The following CEP290 variants were observed in gnomAD, a reference collection of about 807,000 sequenced individuals.
CEP290 encodes centrosomal protein of 290 kDa.
CEP290 carries 317 observed loss-of-function variants against 344.9 expected under a neutral mutation model. The observed-to-expected ratio is 0.92, with a 90% CI of 0.84 to 1.01. The LOEUF is 1.01. Among genes scored for constraint, CEP290 ranks in the 50% least tolerant of loss-of-function variants. CEP290 has a pLI of 0.00. For synonymous variants in CEP290, 932 were observed against 895.8 expected, an observed-to-expected ratio of 1.04 and a Z score of -0.72; for missense variants, 2,754 against 2,761.4, an observed-to-expected ratio of 1.00 and a Z score of 0.06.
intron 6 of CEP290, among the ~76,000 whole-genome samples, chr12:88,133,069 C>G (rs376913260): frequency 6.7e-6 from 1 of 148,754 alleles, no homozygotes; most frequent in Admixed American, 6.7e-5. Context: ...TGATCTTGTT[C>G]CGGTTTTTTT....
intron 34 of CEP290, 37 bp downstream of exon 34, chr12:88,086,002 A>G: frequency 6.4e-7 from 1 of 1,573,556 alleles, no homozygotes; most frequent in Non-Finnish European, 8.6e-7. Context: ...AACATACCAA[A>G]TAATACACTA....
In CEP290 at chr12:88,136,630, A is replaced by G; in HGVS notation, c.441+13T>C. ...TGAACAGTGAAGATTCATGGAAAAA[A>G]AAAGTGCTTTACTTGCTCATTAACT... On this transcript the variant is annotated intron_variant, in intron 6 of 53. Transcript: ENST00000552810. The G allele has an allele frequency of 6.2e-7, 1 of 1,613,030 alleles. No homozygotes were observed. The highest frequency in any genetic ancestry group is 8.5e-7 in the Non-Finnish European group (1 of 1,179,320).
intron 52 of CEP290, among the ~76,000 whole-genome samples, chr12:88,051,481 G>C (rs1431456957): frequency 6.6e-6 from 1 of 152,086 alleles, no homozygotes; most frequent in Non-Finnish European, 1.5e-5. Flanking sequence ...TTACAGGTGT[G>C]GTGTGCTACT....
In CEP290 at chr12:88,083,953, T is replaced by C; in HGVS notation, c.4706A>G (p.Glu1569Gly). Residue 1569 changes from glutamate to glycine, a missense_variant and splice_region_variant, in exon 36 of 54, where the codon GAG becomes GGG. By Grantham distance (98) the Glu-to-Gly change is moderately conservative. Transcript: ENST00000552810. ...YQRLLEKAREEQREIVKKHEE... is the reference protein window; with the variant it reads ...YQRLLEKAREGQREIVKKHEE... ...ATGTTTCTTCACAATTTCTCTTTGC[T>C]CCTGTTTTACAGAAAATCGAAACTA... is the stretch of plus-strand genomic sequence containing the variant. The C allele has an allele frequency of 6.3e-7, 1 of 1,575,760 alleles. No individual in the cohort carries two copies. The highest frequency in any genetic ancestry group is 8.7e-7 in the Non-Finnish European group (1 of 1,155,634).
chr12:88,072,591 G>A (rs1293401236), intron 41 of CEP290, among the ~76,000 whole-genome samples: 1 of 152,150 alleles, frequency 6.6e-6, no homozygotes, highest in African/African-American at 2.4e-5. Flanking sequence ...CATGACTAGA[G>A]TAAGCTTCTA....
intron 41 of CEP290, among the ~76,000 whole-genome samples, chr12:88,074,074 A>C (rs1935189786): frequency 6.6e-6 from 1 of 152,008 alleles, no homozygotes; most frequent in Admixed American, 6.6e-5. Flanking sequence ...AAAATTCAAA[A>C]ATTAGCCAGT....
chr12:88,121,376 G>A (rs1056772245), intron 13 of CEP290, among the ~76,000 whole-genome samples: 1 of 152,102 alleles, frequency 6.6e-6, no homozygotes, highest in African/African-American at 2.4e-5. Context: ...CTTAGCTGAA[G>A]GGGTATGGAT....
chr12:88,085,335 A>C (rs1056298682), intron 34 of CEP290, among the ~76,000 whole-genome samples: 1 of 152,104 alleles, frequency 6.6e-6, no homozygotes, highest in African/African-American at 2.4e-5. Flanking sequence ...AAACAGAAAA[A>C]TTTTTACTCT....
rs79549870 is a variant in CEP290, at chr12:88,108,840, C to T, written c.2483+226G>A. Among the ~76,000 whole-genome samples, 5,982 of 151,982 alleles carry T rather than the reference C, an allele frequency of 0.039. 369 individuals carry two copies. Among genetic ancestry groups the T allele is most frequent in the African/African-American group, 0.14 (5,606 of 41,442 alleles). On this transcript the variant is annotated intron_variant, in intron 23 of 53. Transcript: ENST00000552810. ...TGCTCAAGCTCTTACAAAAAGCAAA[C>T]GTTAAATGACTCAAACCCAGGCAGG...
At chr12:88,116,059 AT>A in intron 18 of CEP290, 1 of 985,346 alleles carries the variant, frequency 1.0e-6, no homozygotes, top group Non-Finnish European at 1.2e-6. Flanking sequence ...AATATTGCAG[AT>A]TTTTGCCTAA....
At chr12:88,139,316 A>G (rs1249893018) in intron 4 of CEP290, 125 bp from the exon 5 acceptor site, 6 of 533,712 alleles carry the variant, frequency 1.1e-5, no homozygotes, top group Non-Finnish European at 1.9e-5. Context: ...AAGGTAACAA[A>G]AAGTATTATA....
At chr12:88,067,177 T>G (rs2035000417) in intron 44 of CEP290, among the ~76,000 whole-genome samples, 1 of 151,888 alleles carries the variant, frequency 6.6e-6, no homozygotes, top group African/African-American at 2.4e-5. Context: ...TTTTTGCTAT[T>G]CATTTATCTA....
Position 88,068,637 on chromosome 12 carries a change from T to G in CEP290, c.6020A>C (p.Gln2007Pro). 1 of 1,596,396 alleles carries G rather than the reference T, an allele frequency of 6.3e-7. No individual in the cohort carries two copies. The highest frequency in any genetic ancestry group is 8.5e-7 in the Non-Finnish European group (1 of 1,174,268). Reference protein sequence around the residue: ...ENDILYMRAHQALPRDSVVED... With the variant: ...ENDILYMRAHPALPRDSVVED... ...TACAACAGAATCTCGAGGAAGAGCTTGGTGGGCCCTATGAACAACAATCAC... is the reference window on the plus strand; with the variant it reads ...TACAACAGAATCTCGAGGAAGAGCTGGGTGGGCCCTATGAACAACAATCAC... The change falls in exon 44 of 54, where the codon CAA becomes CCA. Residue 2007 changes from glutamine (Q) to proline (P), a missense_variant. Transcript: ENST00000552810.
intron 27 of CEP290, among the ~76,000 whole-genome samples, chr12:88,094,254 C>G (rs1460040594): frequency 6.6e-6 from 1 of 150,838 alleles, no homozygotes; most frequent in East Asian, 1.9e-4. Flanking sequence ...ACATAAAGGA[C>G]TTAGTGTAGA....
At chr12:88,071,968 T>C in intron 41 of CEP290, 42 bp from the exon 42 acceptor site, 1 of 1,490,798 alleles carries the variant, frequency 6.7e-7, no homozygotes, top group Non-Finnish European at 8.9e-7. Flanking sequence ...ACCAGTGTTA[T>C]TTTAAATTTT....
intron 41 of CEP290, among the ~76,000 whole-genome samples, chr12:88,075,646 G>A (rs1033433052): frequency 6.6e-6 from 1 of 152,022 alleles, no homozygotes; most frequent in African/African-American, 2.4e-5. Context: ...GGTGGGTTTT[G>A]TTACATAGGT....
At chr12:88,059,129 G>T in intron 48 of CEP290, 109 bp from the exon 49 acceptor site, 1 of 817,602 alleles carries the variant, frequency 1.2e-6, no homozygotes, top group Non-Finnish European at 1.8e-6. Context: ...ATAACCTGGG[G>T]CTCTAAATGC....
chr12:88,111,798 C>T lies in CEP290; in HGVS notation c.2113G>A (p.Val705Ile), dbSNP rs769216455. 7 of 1,606,596 alleles carry T rather than the reference C, an allele frequency of 4.4e-6. No homozygotes were observed. In the Admixed American group the frequency reaches 8.5e-5, roughly 19 times the overall value. The change falls in exon 21 of 54, where the codon GTT becomes ATT. Residue 705 changes from valine to isoleucine, a missense_variant. Physicochemically the swap from Val to Ile is conservative, Grantham distance 29 (BLOSUM62 3). Transcript: ENST00000552810. ...FDASLHLKAQVDQLTGRNEEL... is the reference protein window; with the variant it reads ...FDASLHLKAQIDQLTGRNEEL... The stretch of plus-strand genomic sequence containing the variant: ...TCATTTCTTCCGGTAAGCTGATCAA[C>T]TTGGGCTTTCAAATGCAGACTCGCA...
Position 88,049,034 on chromosome 12 carries a change from T to C in CEP290, c.*150A>G, listed in dbSNP as rs2033206992. 1 of 441,822 alleles carries C rather than the reference T, an allele frequency of 2.3e-6. No homozygotes were observed. The highest frequency in any genetic ancestry group is 4.0e-6 in the Non-Finnish European group (1 of 249,838). 27.4% of individuals were successfully genotyped at this position (441,822 alleles called of 1,614,324 possible). ...TTTATAATAAGTTGAAAATTTCATA[T>C]AATTTTATTTATTAAGAATTCCAAT... On this transcript the variant is annotated 3_prime_UTR_variant, in exon 54 of 54. Coordinates refer to ENST00000552810, the MANE Select transcript of CEP290 (RefSeq NM_025114.4).
Sources: gnomAD v4.1 joint callset for allele counts (sites outside exome capture counted in the v4.1 genomes callset) on GRCh38, gnomAD v4.1.1 for gene constraint, MANE v1.5 for transcripts, NCBI Gene and HGNC (gene_info 2026-07-23, HGNC 2026-07-21) for gene names.